The following EIF3E variants were observed in gnomAD, a reference collection of about 807,000 sequenced individuals.
EIF3E encodes eIF-3 p48.
In EIF3E, 25 loss-of-function variants were observed where a neutral mutation model predicts 59.3. The ratio of observed to expected loss-of-function variants is 0.42; its 90% CI spans 0.31 to 0.59. The LOEUF (loss-of-function observed/expected upper bound fraction) is 0.59. EIF3E is among the 20% of genes least tolerant of loss of function. The pLI, the probability that EIF3E is intolerant of heterozygous loss-of-function variation, is 0.15. For missense variants in EIF3E, 317 were observed against 534.3 expected (o/e 0.59, Z 4.01); for synonymous variants, 176 against 170.2 (o/e 1.03, Z -0.26).
intron 7 of EIF3E, among the ~76,000 whole-genome samples, chr8:108,220,507 T>C (rs942892379): frequency 2.0e-5 from 3 of 152,236 alleles, no homozygotes; most frequent in African/African-American, 7.2e-5. Flanking sequence ...TGGCTTTTTA[T>C]TACTTATGAT....
chr8:108,214,636 GAA>G lies in EIF3E; in HGVS notation c.1030_1031del (p.Phe344LeufsTer10), dbSNP rs1287870746. 6.2e-7 allele frequency: 1 copy of G among 1,610,196 alleles called. No individual in the cohort carries two copies. Among genetic ancestry groups the G allele is most frequent in the Non-Finnish European group, 8.5e-7 (1 of 1,179,070 alleles). ...ENARLFIFETFCRIHQCISIN... is the reference protein window; with the variant it reads ...ENARLFIFETXCRIHQCISIN... ...TGCTGATACACTGGTGGATGCGACA[GAA>G]AGTCTCAAATATGAAGAGACGGGCA... On this transcript the variant is annotated frameshift_variant, in exon 10 of 13. Transcript: ENST00000220849. LOFTEE classifies it high-confidence loss of function.
At chr8:108,225,807 T>C (rs115966197) in intron 7 of EIF3E, among the ~76,000 whole-genome samples, 2,432 of 151,552 alleles carry the variant, frequency 0.016, 187 homozygotes, top group African/African-American at 0.056. Flanking sequence ...GAAAACCCAG[T>C]TGTCAATTAA....
In EIF3E at chr8:108,246,920, T is replaced by C. The variant is rs1214931196; in HGVS notation, c.90+1693A>G. ...GGACTGTCCATGTTCTCAGTAAGCC[T>C]TCCTGTCAGCATTAGGATATATTAA... is the stretch of plus-strand genomic sequence containing the variant. On this transcript the variant is annotated intron_variant, in intron 1 of 12. Coordinates refer to ENST00000220849, the MANE Select transcript of EIF3E (RefSeq NM_001568.3). Among the ~76,000 whole-genome samples the C allele has an allele frequency of 1.8e-4, 27 of 152,248 alleles. 1 individual carries two copies. The highest frequency in any genetic ancestry group is 1.2e-3 in the Admixed American group (18 of 15,288).
intron 1 of EIF3E, among the ~76,000 whole-genome samples, chr8:108,248,288 G>A (rs1184015567): frequency 6.6e-6 from 1 of 151,984 alleles, no homozygotes; most frequent in East Asian, 1.9e-4. Flanking sequence ...GCCAGCCTGT[G>A]AAGCTCTAAC....
chr8:108,215,849 A>G (rs1027863396), intron 9 of EIF3E, among the ~76,000 whole-genome samples: 1 of 152,206 alleles, frequency 6.6e-6, no homozygotes, highest in African/African-American at 2.4e-5. Flanking sequence ...CAAAACAACT[A>G]TAAGTCTTCC....
At chr8:108,231,448 A>G (rs928161834) in intron 5 of EIF3E, among the ~76,000 whole-genome samples, 10 of 152,106 alleles carry the variant, frequency 6.6e-5, no homozygotes, top group African/African-American at 2.4e-4. Flanking sequence ...AATTATCATT[A>G]CTCATACTGT....
chr8:108,238,984 C>T (rs1407582815), intron 3 of EIF3E, among the ~76,000 whole-genome samples: 3 of 151,942 alleles, frequency 2.0e-5, no homozygotes, highest in Non-Finnish European at 2.9e-5. Context: ...TCTTTGGAAA[C>T]GAAACAGTAA....
rs1159135914 is a variant in EIF3E, at chr8:108,201,296, G to A, written c.*589C>T. On this transcript the variant is annotated 3_prime_UTR_variant, in exon 13 of 13. Transcript: ENST00000220849. ...CTCTCAACTTGGATGGCTCTCAAGA[G>A]CATTGTGATGAATGAAAAAAGCTAA... 3 of 121,528 alleles carry A rather than the reference G, an allele frequency of 2.5e-5. No homozygotes were observed. The East Asian group carries it at 6.3e-4, about 25-fold the overall frequency. 7.5% of individuals were successfully genotyped at this position (121,528 alleles called of 1,614,324 possible).
intron 12 of EIF3E, 98 bp from the exon 13 acceptor site, chr8:108,202,021 T>G (rs550781159): frequency 8.7e-7 from 1 of 1,146,876 alleles, no homozygotes; most frequent in Non-Finnish European, 1.2e-6. Flanking sequence ...TTCAGCACTA[T>G]AGTCTCTTGC....
At chr8:108,227,754 T>C (rs1211150238) in intron 7 of EIF3E, 1 of 152,202 alleles carries the variant, frequency 6.6e-6, no homozygotes, top group Non-Finnish European at 1.5e-5. Flanking sequence ...GTATTTGAGT[T>C]CCACTGGAAG....
At chr8:108,206,435 G>A (rs1055915197) in intron 10 of EIF3E, among the ~76,000 whole-genome samples, 1 of 152,164 alleles carries the variant, frequency 6.6e-6, no homozygotes, top group Non-Finnish European at 1.5e-5. Flanking sequence ...CTTACCTAAG[G>A]AAATGATATT....
In EIF3E at chr8:108,230,038, T is replaced by C. The variant is rs182025116; in HGVS notation, c.472-843A>G. On this transcript the variant is annotated intron_variant, in intron 5 of 12. Coordinates refer to ENST00000220849, the MANE Select transcript of EIF3E (RefSeq NM_001568.3). ...CTCAAAACAAAGCAGCAGAAGTAGGTAAACTGACTCTGAACCGATCAGATG... is the reference window on the plus strand; with the variant it reads ...CTCAAAACAAAGCAGCAGAAGTAGGCAAACTGACTCTGAACCGATCAGATG... 6.2e-4 allele frequency among the ~76,000 whole-genome samples: 94 copies of C among 152,190 alleles called. 3 individuals carry two copies. The East Asian group carries it at 0.017, about 27-fold the overall frequency.
chr8:108,202,964 G>C lies in EIF3E; in HGVS notation c.1299+19C>G. ...TGGTTGCTAAACCCCAGACAGAATAGAAGATGTGTGGTTCTTACCTCTGAC... is the reference window on the plus strand; with the variant it reads ...TGGTTGCTAAACCCCAGACAGAATACAAGATGTGTGGTTCTTACCTCTGAC... On this transcript the variant is annotated intron_variant, in intron 12 of 12. Coordinates refer to ENST00000220849, the MANE Select transcript of EIF3E (RefSeq NM_001568.3). The C allele has an allele frequency of 6.2e-7, 1 of 1,606,896 alleles. No homozygotes were observed. Among genetic ancestry groups the C allele is most frequent in the East Asian group, 2.2e-5 (1 of 44,718 alleles).
chr8:108,242,315 A>G, intron 1 of EIF3E: 1 of 1,289,868 alleles, frequency 7.8e-7, no homozygotes, highest in South Asian at 1.2e-5. Flanking sequence ...ATAAACTCCT[A>G]TATGCTTCTC....
intron 7 of EIF3E, among the ~76,000 whole-genome samples, chr8:108,223,744 T>C (rs940706891): frequency 1.3e-5 from 2 of 151,770 alleles, no homozygotes; most frequent in Admixed American, 6.5e-5. Flanking sequence ...TTATATATTA[T>C]GTTACATTTA....
At position 108,248,600 on chromosome 8, in the gene EIF3E, A is replaced by G. The variant is rs758262921; in HGVS notation, c.90+13T>C. On this transcript the variant is annotated intron_variant, in intron 1 of 12. Coordinates refer to ENST00000220849, the MANE Select transcript of EIF3E (RefSeq NM_001568.3). ...CGCCCCCACGCCTTCCTTGCGCCCA[A>G]AGACCCCCTCACCTCCTTTACAGAG... 4 of 1,613,410 alleles carry G rather than the reference A, an allele frequency of 2.5e-6. No individual in the cohort carries two copies. The South Asian group carries it at 3.3e-5, about 13-fold the overall frequency.
chr8:108,209,123 G>C (rs1002166197), intron 10 of EIF3E, among the ~76,000 whole-genome samples: 1 of 151,946 alleles, frequency 6.6e-6, no homozygotes, highest in African/African-American at 2.4e-5. Context: ...AACAATTATG[G>C]GTTTTATAAT....
At chr8:108,208,096 T>C (rs1287548143) in intron 10 of EIF3E, among the ~76,000 whole-genome samples, 3 of 152,146 alleles carry the variant, frequency 2.0e-5, no homozygotes, top group African/African-American at 4.8e-5. Context: ...ATCTTTCAAA[T>C]GGTCTTACTT....
chr8:108,208,466 G>A (rs1346312401), intron 10 of EIF3E, among the ~76,000 whole-genome samples: 1 of 152,128 alleles, frequency 6.6e-6, no homozygotes, highest in Non-Finnish European at 1.5e-5. Flanking sequence ...ACAAAGAAAA[G>A]AGGAGAAAAT....
Sources: allele counts gnomAD v4.1 joint callset (sites outside exome capture counted in the v4.1 genomes callset), GRCh38; gene constraint gnomAD v4.1.1; transcripts MANE v1.5; gene names NCBI Gene and HGNC (gene_info 2026-07-23, HGNC 2026-07-21).